Variants in DNAAF4 observed in about 807,000 individuals in gnomAD.
DNAAF4 encodes dynein axonemal assembly factor 4.
A neutral mutation model predicts 51.8 loss-of-function variants in DNAAF4; 43 were observed. The observed-to-expected ratio is 0.83, with a 90% CI of 0.65 to 1.07. The LOEUF (loss-of-function observed/expected upper bound fraction) is 1.07, where lower values mean the gene tolerates loss of function less well. Ranked by LOEUF, DNAAF4 falls within the 50% of genes least tolerant of loss-of-function variation. The pLI, the probability that DNAAF4 is intolerant of heterozygous loss-of-function variation, is 0.00. For missense variants in DNAAF4, 581 were observed against 493.0 expected, an observed-to-expected ratio of 1.18 and a Z score of -1.69; for synonymous variants, 194 against 165.6, an observed-to-expected ratio of 1.17 and a Z score of -1.32.
chr15:55,480,546 C>T (rs1338521711), intron 4 of DNAAF4, among the ~76,000 whole-genome samples: 2 of 151,880 alleles, frequency 1.3e-5, no homozygotes, highest in Non-Finnish European at 2.9e-5. Flanking sequence ...TTGCACTGCA[C>T]ACTTGTTTAC....
intron 5 of DNAAF4, among the ~76,000 whole-genome samples, chr15:55,455,827 C>G (rs2058012387): frequency 6.6e-6 from 1 of 152,030 alleles, no homozygotes; most frequent in Non-Finnish European, 1.5e-5. Flanking sequence ...CAGACCAGAT[C>G]TGGGTTCAAA....
At chr15:55,493,154 T>A (rs949152363) in intron 3 of DNAAF4, among the ~76,000 whole-genome samples, 1 of 152,104 alleles carries the variant, frequency 6.6e-6, no homozygotes, top group African/African-American at 2.4e-5. Context: ...TACAGGAAAG[T>A]GAGCCCTCAC....
chr15:55,489,881 T>C (rs1223172887), intron 4 of DNAAF4, among the ~76,000 whole-genome samples: 1 of 151,112 alleles, frequency 6.6e-6, no homozygotes, highest in Non-Finnish European at 1.5e-5. Flanking sequence ...AGAAGTTTTT[T>C]TTTTTTTTTT....
At chr15:55,484,114 C>A (rs985366855) in intron 4 of DNAAF4, among the ~76,000 whole-genome samples, 1 of 151,848 alleles carries the variant, frequency 6.6e-6, no homozygotes, top group Admixed American at 6.6e-5. Context: ...ATGGGAGAAA[C>A]CGGAATCCTT....
intron 9 of DNAAF4, among the ~76,000 whole-genome samples, chr15:55,431,651 T>C (rs1595888598): frequency 6.6e-6 from 1 of 152,024 alleles, no homozygotes; most frequent in Non-Finnish European, 1.5e-5. Context: ...ATTTTGTTTT[T>C]GTATTTTTAG....
In DNAAF4 at chr15:55,468,873, G is replaced by C. The variant is rs113272692; in HGVS notation, c.406-1712C>G. On this transcript the variant is annotated intron_variant, in intron 4 of 9. Coordinates refer to ENST00000321149, the MANE Select transcript of DNAAF4 (RefSeq NM_130810.4). ...TTTATAATAAGCTATATTAGAGACA[G>C]AAATAGTCCAGCTCTTCAGAGAGTA... Among the ~76,000 whole-genome samples the C allele has an allele frequency of 1.6e-4, 25 of 152,222 alleles. 1 individual carries two copies. The highest frequency in any genetic ancestry group is 6.0e-4 in the African/African-American group (25 of 41,542).
At chr15:55,467,267 C>A in intron 4 of DNAAF4, 106 bp from the exon 5 acceptor site, 2 of 1,073,744 alleles carry the variant, frequency 1.9e-6, no homozygotes, top group South Asian at 3.1e-5. Flanking sequence ...TAAACTCTTG[C>A]CATTGTATTT....
At chr15:55,438,721 G>A (rs2057658342) in intron 7 of DNAAF4, among the ~76,000 whole-genome samples, 1 of 150,952 alleles carries the variant, frequency 6.6e-6, no homozygotes. Context: ...GCGGGTAGAG[G>A]TTGCAGTGAG....
At chr15:55,445,088 G>A (rs1166625374) in intron 6 of DNAAF4, among the ~76,000 whole-genome samples, 1 of 144,398 alleles carries the variant, frequency 6.9e-6, no homozygotes, top group Admixed American at 7.2e-5. Context: ...GTTTCTCAGA[G>A]AGGGGGATGT....
At position 55,423,786 on chromosome 15, in the gene DNAAF4, C is replaced by G. The variant is rs530673164; in HGVS notation, c.1048-5653G>C. 2.0e-4 allele frequency among the ~76,000 whole-genome samples: 31 copies of G among 152,158 alleles called. No homozygotes were observed. In the East Asian group the frequency reaches 4.2e-3, roughly 21 times the overall value. Reference sequence around the variant, plus strand: ...TGGCCAATATGGTGAAATGCTGTCTCTATTAAAAAATACAAAAATAGGCCA... The same window carrying G: ...TGGCCAATATGGTGAAATGCTGTCTGTATTAAAAAATACAAAAATAGGCCA... On this transcript the variant is annotated intron_variant, in intron 7 of 7. Coordinates refer to the DNAAF4 transcript ENST00000448430.
intron 1 of DNAAF4, among the ~76,000 whole-genome samples, chr15:55,507,559 C>G (rs1208658020): frequency 6.6e-6 from 1 of 152,104 alleles, no homozygotes; most frequent in Non-Finnish European, 1.5e-5. Context: ...CAAAGAGAAA[C>G]CATCATAAGT....
chr15:55,470,990 AC>A (rs945683387), intron 4 of DNAAF4, among the ~76,000 whole-genome samples: 1 of 149,910 alleles, frequency 6.7e-6, no homozygotes, highest in African/African-American at 2.5e-5. Flanking sequence ...AGTAGTTGGG[AC>A]CACAGGCCCG....
chr15:55,507,820 G>A (rs2058734565), intron 1 of DNAAF4, among the ~76,000 whole-genome samples: 1 of 152,088 alleles, frequency 6.6e-6, no homozygotes, highest in African/African-American at 2.4e-5. Flanking sequence ...TCTAGCCTGA[G>A]TAACAGGGAC....
chr15:55,479,232 A>T (rs1300333476), intron 4 of DNAAF4, among the ~76,000 whole-genome samples: 1 of 151,896 alleles, frequency 6.6e-6, no homozygotes, highest in Non-Finnish European at 1.5e-5. Flanking sequence ...TGGGCAACTC[A>T]GAGTACTTCC....
intron 4 of DNAAF4, among the ~76,000 whole-genome samples, chr15:55,483,735 C>G (rs2058443795): frequency 6.7e-6 from 1 of 148,738 alleles, no homozygotes. Flanking sequence ...AGAGATGGGC[C>G]AGGCTGGTCT....
Position 55,436,556 on chromosome 15 carries a change from T to C in DNAAF4, c.894-1498A>G, listed in dbSNP as rs549847209. On this transcript the variant is annotated intron_variant, in intron 7 of 9. Transcript: ENST00000321149. ...TGCGCCACAATGCCTGACTAGTTTTTGTATTTTTAGTAGAGACAGGGTTTC... is the reference window on the plus strand; with the variant it reads ...TGCGCCACAATGCCTGACTAGTTTTCGTATTTTTAGTAGAGACAGGGTTTC... Among the ~76,000 whole-genome samples, 455 of 151,892 alleles carry C rather than the reference T, an allele frequency of 3.0e-3. 2 individuals are homozygous for C. The highest frequency in any genetic ancestry group is 2.6e-3 in the Non-Finnish European group (176 of 67,964).
chr15:55,439,656 C>G, intron 6 of DNAAF4, 75 bp from the exon 7 acceptor site: 1 of 1,314,046 alleles, frequency 7.6e-7, no homozygotes, highest in Non-Finnish European at 1.1e-6. Context: ...GATTTTCCAT[C>G]TTCCTCCAGT....
At chr15:55,432,971 C>A (rs2057521075) in intron 8 of DNAAF4, among the ~76,000 whole-genome samples, 1 of 150,006 alleles carries the variant, frequency 6.7e-6, no homozygotes, top group African/African-American at 2.5e-5. Flanking sequence ...AAACAAAAAA[C>A]AAACAAGCAA....
Position 55,498,485 on chromosome 15 carries a change from C to T in DNAAF4, c.-156G>A, listed in dbSNP as rs184940391. 1.8e-6 allele frequency: 2 copies of T among 1,085,518 alleles called. No homozygotes were observed. Among genetic ancestry groups the T allele is most frequent in the Non-Finnish European group, 2.5e-6 (2 of 786,800 alleles). 67.2% of individuals were successfully genotyped at this position (1,085,518 alleles called of 1,614,324 possible). On this transcript the variant is annotated 5_prime_UTR_variant, in exon 2 of 10. The change creates a premature stop within an existing upstream ORF in the 5' untranslated region. Coordinates refer to ENST00000321149, the MANE Select transcript of DNAAF4 (RefSeq NM_130810.4). ...CTCCGGCGCCAGCACCTCGCGGACT[C>T]CATGCGTGACTATCCAGGCGCCCAG... is the stretch of plus-strand genomic sequence containing the variant.
Sources: gnomAD v4.1 joint callset for allele counts (sites outside exome capture counted in the v4.1 genomes callset) on GRCh38, gnomAD v4.1.1 for gene constraint, MANE v1.5 for transcripts, NCBI Gene and HGNC (gene_info 2026-07-23, HGNC 2026-07-21) for gene names.